DIP2C: variants seen among roughly 807,000 people sequenced by gnomAD.
DIP2C encodes disco-interacting protein 2 homolog C.
DIP2C carries 33 observed loss-of-function variants against 192.4 expected under a neutral mutation model. That is an observed-to-expected ratio of 0.17 (90% CI 0.13 to 0.23). The LOEUF is 0.23. DIP2C is among the 10% of genes least tolerant of loss of function. The pLI is 1.00. For missense variants in DIP2C, 1,537 were observed against 2,110.1 expected, an observed-to-expected ratio of 0.73 and a Z score of 5.32; for synonymous variants, 979 against 864.1, an observed-to-expected ratio of 1.13 and a Z score of -2.33.
chr10:327,653 T>C (rs1957335900), intron 30 of DIP2C, among the ~76,000 whole-genome samples: 1 of 152,122 alleles, frequency 6.6e-6, no homozygotes, highest in Admixed American at 6.5e-5. Context: ...CACCTTGTGG[T>C]CTCCCAAGTA....
At chr10:624,591 C>A (rs964313552) in intron 1 of DIP2C, among the ~76,000 whole-genome samples, 8 of 152,190 alleles carry the variant, frequency 5.3e-5, no homozygotes, top group Non-Finnish European at 1.2e-4. Context: ...CCCGGGCAGC[C>A]CCTCTGGATG....
At chr10:575,044 TATCA>T (rs1215996984) in intron 1 of DIP2C, among the ~76,000 whole-genome samples, 1 of 152,166 alleles carries the variant, frequency 6.6e-6, no homozygotes, top group African/African-American at 2.4e-5. Context: ...CACAAACTGG[TATCA>T]ATCAGTCTGC....
chr10:497,692 T>C (rs781257054), intron 1 of DIP2C, among the ~76,000 whole-genome samples: 6 of 152,204 alleles, frequency 3.9e-5, no homozygotes, highest in East Asian at 3.8e-4. Flanking sequence ...CGTAAGACCA[T>C]GCAGAGAAGC....
At chr10:329,747 C>G (rs922455874) in intron 29 of DIP2C, 146 bp from the exon 30 acceptor site, 11 of 1,030,704 alleles carry the variant, frequency 1.1e-5, no homozygotes, top group Non-Finnish European at 1.5e-5. Flanking sequence ...CACAGTAAAG[C>G]CAACGCTGCA....
At position 490,203 on chromosome 10, in the gene DIP2C, G is replaced by A. The variant is rs112697360; in HGVS notation, c.86-3673C>T. Among the ~76,000 whole-genome samples, 421 of 151,156 alleles carry A rather than the reference G, an allele frequency of 2.8e-3. 1 individual carries two copies. The highest frequency in any genetic ancestry group is 5.0e-3 in the Non-Finnish European group (341 of 67,746). On this transcript the variant is annotated intron_variant, in intron 1 of 36. Transcript: ENST00000280886. The stretch of plus-strand genomic sequence containing the variant: ...ACACCAGGGACACGGTGGCTCTGAC[G>A]GTGCCTGGGGCTTCCTCCATTTCAC...
Position 274,803 on chromosome 10 carries a change from G to A in DIP2C, c.*2522C>T, listed in dbSNP as rs1954428789. ...TGTTCACTGTGTACCCTCTTTTTGT[G>A]CAAGTTGATTACACGGTTTTGTCTG... is the stretch of plus-strand genomic sequence containing the variant. On this transcript the variant is annotated 3_prime_UTR_variant, in exon 37 of 37. Coordinates refer to ENST00000280886, the MANE Select transcript of DIP2C (RefSeq NM_014974.3). 6.6e-6 allele frequency: 1 copy of A among 152,188 alleles called. No individual in the cohort carries two copies. The highest frequency in any genetic ancestry group is 1.5e-5 in the Non-Finnish European group (1 of 68,034). The allele number at this position is 152,188 out of a possible 1,614,324, so 9.4% of individuals were successfully genotyped here.
At chr10:431,866 T>C (rs1331810208) in intron 4 of DIP2C, among the ~76,000 whole-genome samples, 1 of 152,252 alleles carries the variant, frequency 6.6e-6, no homozygotes, top group African/African-American at 2.4e-5. Flanking sequence ...CAATTGGGTA[T>C]GATGTTAACA....
chr10:390,904 C>T, intron 10 of DIP2C, 41 bp from the exon 11 acceptor site: 2 of 1,606,108 alleles, frequency 1.2e-6, no homozygotes, highest in South Asian at 2.2e-5. Flanking sequence ...CCACGACCTG[C>T]CCCACTCCGC....
intron 5 of DIP2C, among the ~76,000 whole-genome samples, chr10:420,415 G>C (rs1023064426): frequency 1.3e-5 from 2 of 152,160 alleles, no homozygotes; most frequent in African/African-American, 2.4e-5. Context: ...GAAAAGACAA[G>C]AACTAAGGGG....
intron 1 of DIP2C, among the ~76,000 whole-genome samples, chr10:487,644 C>G (rs1212901202): frequency 3.0e-5 from 4 of 133,670 alleles, no homozygotes; most frequent in Non-Finnish European, 4.6e-5. Context: ...GTGGCGTGAT[C>G]TCAGCTCACT....
At chr10:673,140 A>G (rs1014965564) in intron 1 of DIP2C, among the ~76,000 whole-genome samples, 1 of 152,140 alleles carries the variant, frequency 6.6e-6, no homozygotes, top group Admixed American at 6.6e-5. Flanking sequence ...CAGAGCACCC[A>G]GGATGGCTGT....
intron 29 of DIP2C, among the ~76,000 whole-genome samples, chr10:336,874 C>CCTAGGAAGCTGTGTGTGT (rs1957797456): frequency 9.3e-6 from 1 of 107,204 alleles, no homozygotes; most frequent in Non-Finnish European, 1.9e-5. Flanking sequence ...TGTGTGTGCG[C>CCTAGGAAGCTGTGTGTGT]GTGTTGTGGA....
chr10:502,521 T>C (rs1328542471), intron 1 of DIP2C, among the ~76,000 whole-genome samples: 1 of 152,042 alleles, frequency 6.6e-6, no homozygotes, highest in East Asian at 1.9e-4. Context: ...GACATCATAA[T>C]GAGCACAAAT....
In DIP2C at chr10:444,309, C is replaced by T. The variant is rs942242939; in HGVS notation, c.269-3313G>A. Among the ~76,000 whole-genome samples the T allele has an allele frequency of 5.1e-5, 6 of 117,600 alleles. No homozygotes were observed. In the South Asian group the frequency reaches 9.0e-4, roughly 18 times the overall value. 77.2% of individuals were successfully genotyped at this position (117,600 alleles called of 152,430 possible). ...TGAGGAGTGTTCCTTGGCACTGTTC[C>T]GTCACCCGAGACTCGTGTAGATTCT... is the stretch of plus-strand genomic sequence containing the variant. On this transcript the variant is annotated intron_variant, in intron 3 of 36. Coordinates refer to ENST00000280886, the MANE Select transcript of DIP2C (RefSeq NM_014974.3).
chr10:564,353 C>G (rs1016849271), intron 1 of DIP2C, among the ~76,000 whole-genome samples: 6 of 152,274 alleles, frequency 3.9e-5, no homozygotes, highest in Middle Eastern at 3.4e-3. Flanking sequence ...CCCCACACCC[C>G]AGCCTGGACG....
chr10:296,901 G>C (rs1194641528), intron 32 of DIP2C, among the ~76,000 whole-genome samples: 2 of 97,872 alleles, frequency 2.0e-5, no homozygotes, highest in African/African-American at 8.3e-5. Flanking sequence ...GGTGGGGGGA[G>C]GGGGGAGGGA....
rs561763750 is a variant in DIP2C, at chr10:674,570, G to A, written c.85+14924C>T. On this transcript the variant is annotated intron_variant, in intron 1 of 36. Transcript: ENST00000280886. ...GGATCACCTGAGGTCAGGAGTTCAA[G>A]ACCAGCCTGGCCAACATGGTAAAGC... Among the ~76,000 whole-genome samples the A allele has an allele frequency of 2.1e-3, 313 of 151,952 alleles. 1 individual carries two copies. Among genetic ancestry groups the A allele is most frequent in the Middle Eastern group, 6.8e-3 (2 of 294 alleles).
At chr10:596,063 T>C (rs1851681364) in intron 1 of DIP2C, among the ~76,000 whole-genome samples, 1 of 152,194 alleles carries the variant, frequency 6.6e-6, no homozygotes, top group Non-Finnish European at 1.5e-5. Context: ...TCCGCCTCCC[T>C]CTGCTCAAAC....
chr10:417,973 C>T (rs866244459), intron 6 of DIP2C, among the ~76,000 whole-genome samples: 9 of 106,530 alleles, frequency 8.4e-5, no homozygotes, highest in African/African-American at 1.6e-4. Flanking sequence ...CCTGTCAGGG[C>T]TCGGATAGGC....
Sources: allele counts gnomAD v4.1 joint callset (sites outside exome capture counted in the v4.1 genomes callset), GRCh38; gene constraint gnomAD v4.1.1; transcripts MANE v1.5; gene names NCBI Gene and HGNC (gene_info 2026-07-23, HGNC 2026-07-21).